NBR1: variants seen among roughly 807,000 people sequenced by gnomAD.
The protein encoded by NBR1 is next to BRCA1 gene 1 protein.
Under a neutral mutation model 115.5 loss-of-function variants are expected in NBR1, and 59 were observed. The ratio of observed to expected loss-of-function variants is 0.51; its 90% CI spans 0.41 to 0.63. NBR1 has a LOEUF of 0.63. Ranked by LOEUF, NBR1 falls within the 30% of genes least tolerant of loss-of-function variation. The pLI is 0.00. For missense variants in NBR1, 1,043 were observed against 1,150.5 expected (o/e 0.91, Z 1.35); for synonymous variants, 373 against 414.7 (o/e 0.90, Z 1.22).
At chr17:43,185,106 A>C (rs975698187) in intron 5 of NBR1, among the ~76,000 whole-genome samples, 5 of 152,110 alleles carry the variant, frequency 3.3e-5, no homozygotes, top group Non-Finnish European at 5.9e-5. Flanking sequence ...GAAAAAAAAA[A>C]AAACAGAAAA....
intron 14 of NBR1, chr17:43,196,081 A>G (rs1056182286): frequency 1.3e-5 from 2 of 154,256 alleles, no homozygotes; most frequent in African/African-American, 4.8e-5. Flanking sequence ...AGATTGTGCC[A>G]CTGCATTCTA....
At position 43,210,087 on chromosome 17, in the gene NBR1, T is replaced by TA; in HGVS notation, c.*14dup. ...CCAACGCTATTGAGGAGTGACCTTG[T>TA]ATTAAATAACTGCCTGCTGCTCAGA... On this transcript the variant is annotated 3_prime_UTR_variant, in exon 21 of 21. Transcript: ENST00000590996. 1 of 1,600,738 alleles carries TA rather than the reference T, an allele frequency of 6.2e-7. No individual in the cohort carries two copies. The highest frequency in any genetic ancestry group is 8.5e-7 in the Non-Finnish European group (1 of 1,173,242).
chr17:43,173,369 A>G (rs2056425822), intron 1 of NBR1, among the ~76,000 whole-genome samples: 1 of 151,538 alleles, frequency 6.6e-6, no homozygotes, highest in African/African-American at 2.4e-5. Flanking sequence ...GCTCACTGCA[A>G]CCTTGCCTCC....
intron 20 of NBR1, among the ~76,000 whole-genome samples, chr17:43,206,525 C>T (rs567505728): frequency 8.6e-5 from 13 of 151,942 alleles, no homozygotes; most frequent in African/African-American, 2.4e-4. Flanking sequence ...CGTGGTGGCA[C>T]GTGCCTGTAG....
At chr17:43,178,045 C>T in intron 3 of NBR1, 47 bp downstream of exon 3, 2 of 1,544,644 alleles carry the variant, frequency 1.3e-6, no homozygotes, top group Non-Finnish European at 1.8e-6. Context: ...GAATAGGGAT[C>T]TTATTTCTCC....
chr17:43,191,283 C>T (rs1224142604), intron 9 of NBR1, 89 bp from the exon 10 acceptor site: 1 of 896,934 alleles, frequency 1.1e-6, no homozygotes, highest in African/African-American at 1.7e-5. Context: ...AAACTGGAAG[C>T]TGACACTGAT....
chr17:43,174,792 C>T (rs1267237457), intron 1 of NBR1, among the ~76,000 whole-genome samples: 1 of 151,602 alleles, frequency 6.6e-6, no homozygotes, highest in East Asian at 1.9e-4. Flanking sequence ...TTTGAAATCC[C>T]CCATTTAAAA....
chr17:43,203,783 A>T lies in NBR1; in HGVS notation c.2724A>T (p.Ala908=), dbSNP rs760597837. The change falls in exon 20 of 21, where the codon GCA becomes GCT. Residue 908 remains alanine, a synonymous_variant. Transcript: ENST00000590996. ...TGTTTGCTGGGCCACCAGTCACTGC[A>T]CAGGTCAGTGTGTGTGTTTTATTTT... ...KALFAGPPVT[A]QPIISEDQTA... is the part of the protein sequence containing the mutation. 1 of 1,579,646 alleles carries T rather than the reference A, an allele frequency of 6.3e-7. No homozygotes were observed. Among genetic ancestry groups the T allele is most frequent in the African/African-American group, 1.3e-5 (1 of 74,400 alleles).
chr17:43,203,873 G>A, intron 20 of NBR1, 87 bp downstream of exon 20: 1 of 752,384 alleles, frequency 1.3e-6, no homozygotes. Flanking sequence ...AGAGTAACAT[G>A]GCATTGTGGA....
chr17:43,179,706 A>G (rs1458393368), intron 4 of NBR1, among the ~76,000 whole-genome samples: 1 of 152,198 alleles, frequency 6.6e-6, no homozygotes, highest in East Asian at 1.9e-4. Context: ...ATGGTGTTGC[A>G]TTTGTTTCTG....
At chr17:43,202,107 G>T (rs1567865915) in intron 18 of NBR1, among the ~76,000 whole-genome samples, 1 of 150,018 alleles carries the variant, frequency 6.7e-6, no homozygotes, top group Non-Finnish European at 1.5e-5. Flanking sequence ...ATGAACCTGG[G>T]AGGCGGAGGT....
intron 1 of NBR1, among the ~76,000 whole-genome samples, chr17:43,174,124 G>C (rs1249781314): frequency 2.0e-5 from 3 of 151,996 alleles, no homozygotes; most frequent in East Asian, 3.8e-4. Flanking sequence ...AATTCTTAAT[G>C]GATAAAAGCA....
In NBR1 at chr17:43,194,953, T is replaced by C; in HGVS notation, c.1675-11T>C. ...GCACTCCAAACAGCCTAACATTGTC[T>C]TTTTTTATAGGACCTGCTGTCCTTT... On this transcript the variant is annotated splice_polypyrimidine_tract_variant and intron_variant, in intron 13 of 20. Coordinates refer to ENST00000590996, the MANE Select transcript of NBR1 (RefSeq NM_005899.5). 6.2e-7 allele frequency: 1 copy of C among 1,610,052 alleles called. No homozygotes were observed.
chr17:43,205,695 G>C (rs1163482714), intron 20 of NBR1, among the ~76,000 whole-genome samples: 1 of 151,806 alleles, frequency 6.6e-6, no homozygotes, highest in Non-Finnish European at 1.5e-5. Flanking sequence ...TGGGCAACAG[G>C]GCAAAACCCT....
At chr17:43,209,647 C>T (rs1454898016) in intron 20 of NBR1, 3 of 1,535,464 alleles carry the variant, frequency 2.0e-6, no homozygotes, top group African/African-American at 1.4e-5. Flanking sequence ...GTTCTAAGTA[C>T]AGTTCATTAG....
At chr17:43,187,251 G>T (rs1304943904) in intron 6 of NBR1, among the ~76,000 whole-genome samples, 1 of 152,074 alleles carries the variant, frequency 6.6e-6, no homozygotes, top group African/African-American at 2.4e-5. Flanking sequence ...CGCGATCTCG[G>T]CTTATTGCAA....
intron 2 of NBR1, 127 bp from the exon 3 acceptor site, chr17:43,177,809 C>A: frequency 1.4e-6 from 1 of 735,978 alleles, no homozygotes; most frequent in Non-Finnish European, 2.0e-6. Context: ...GGGTGTGTTG[C>A]AGATATTAAC....
In NBR1 at chr17:43,193,564, G is replaced by T; in HGVS notation, c.1450G>T (p.Glu484Ter). ...CSIIVDPFPS[E>*]ESPDNIEKGM... ...TATCATAGTAGATCCTTTCCCCTCC[G>T]AAGAGAGCCCTGATAACATTGAAAA... Residue 484 changes from glutamate (E) to a stop codon, truncating the protein, a stop_gained, in exon 12 of 21, where the codon GAA becomes TAA. Transcript: ENST00000590996. LOFTEE classifies it high-confidence loss of function. The T allele has an allele frequency of 2.5e-6, 4 of 1,612,514 alleles. No individual in the cohort carries two copies. The highest frequency in any genetic ancestry group is 3.4e-6 in the Non-Finnish European group (4 of 1,179,294).
intron 20 of NBR1, among the ~76,000 whole-genome samples, chr17:43,206,228 T>G (rs1339449095): frequency 6.6e-6 from 1 of 151,004 alleles, no homozygotes; most frequent in Non-Finnish European, 1.5e-5. Flanking sequence ...GGCAGGATGC[T>G]GTGTTATGAG....
Sources: allele counts gnomAD v4.1 joint callset (sites outside exome capture counted in the v4.1 genomes callset), GRCh38; gene constraint gnomAD v4.1.1; transcripts MANE v1.5; gene names NCBI Gene and HGNC (gene_info 2026-07-23, HGNC 2026-07-21).